Variants in CACNA2D1 observed in about 807,000 individuals in gnomAD.
CACNA2D1 encodes the protein voltage-dependent calcium channel subunit alpha-2/delta-1.
In CACNA2D1, 53 loss-of-function variants were observed where a neutral mutation model predicts 171.5. That is an observed-to-expected ratio of 0.31 (90% confidence interval 0.25 to 0.39). CACNA2D1 has a LOEUF of 0.39. CACNA2D1 is among the 10% of genes least tolerant of loss of function. The pLI is 1.00. For missense variants in CACNA2D1, 903 were observed against 1,299.8 expected (o/e 0.69, Z 4.69); for synonymous variants, 442 against 443.1 (o/e 1.00, Z 0.03).
chr7:82,323,467 C>T (rs952423686), intron 3 of CACNA2D1, among the ~76,000 whole-genome samples: 3 of 152,124 alleles, frequency 2.0e-5, no homozygotes, highest in Non-Finnish European at 2.9e-5. Context: ...ACGACCTATG[C>T]GCAGGACCAG....
chr7:82,062,166 A>G (rs1335869369), intron 9 of CACNA2D1, among the ~76,000 whole-genome samples: 1 of 152,172 alleles, frequency 6.6e-6, no homozygotes, highest in Non-Finnish European at 1.5e-5. Flanking sequence ...TTTCTCCCAA[A>G]GTTATCTTGG....
intron 3 of CACNA2D1, among the ~76,000 whole-genome samples, chr7:82,270,052 T>C (rs1304844504): frequency 1.3e-5 from 2 of 152,220 alleles, no homozygotes; most frequent in African/African-American, 2.4e-5. Flanking sequence ...TTCTGCATCA[T>C]TGTTCTGCCC....
intron 10 of CACNA2D1, chr7:82,050,526 G>A (rs557636408): frequency 1.4e-6 from 1 of 700,596 alleles, no homozygotes; most frequent in Admixed American, 2.0e-5. Context: ...TTATACAGGG[G>A]CTTCTGATGG....
chr7:82,030,712 G>C (rs1472953285), intron 12 of CACNA2D1, among the ~76,000 whole-genome samples: 1 of 151,830 alleles, frequency 6.6e-6, no homozygotes, highest in Admixed American at 6.6e-5. Flanking sequence ...GATATAAGTA[G>C]TGGCTTGCAC....
intron 1 of CACNA2D1, among the ~76,000 whole-genome samples, chr7:82,375,576 A>T (rs1367380228): frequency 6.6e-6 from 1 of 152,174 alleles, no homozygotes; most frequent in African/African-American, 2.4e-5. Context: ...CGTATTATCT[A>T]CACCACTCAT....
chr7:82,408,874 AT>A (rs1827348163), intron 1 of CACNA2D1, among the ~76,000 whole-genome samples: 1 of 152,202 alleles, frequency 6.6e-6, no homozygotes, highest in South Asian at 2.1e-4. Flanking sequence ...ATTTAAGGCA[AT>A]TTTAAGCTAC....
At chr7:82,251,732 G>A (rs569264542) in intron 3 of CACNA2D1, among the ~76,000 whole-genome samples, 14 of 152,026 alleles carry the variant, frequency 9.2e-5, no homozygotes, top group Non-Finnish European at 2.1e-4. Context: ...CTTTGTGTAT[G>A]CCATACATTA....
intron 28 of CACNA2D1, 124 bp from the exon 29 acceptor site, chr7:81,969,097 A>G: frequency 3.1e-6 from 2 of 650,170 alleles, no homozygotes; most frequent in Non-Finnish European, 5.4e-6. Flanking sequence ...CAAACTATAA[A>G]ATGTTTGTGC....
At chr7:82,142,353 T>C (rs1792499617) in intron 4 of CACNA2D1, among the ~76,000 whole-genome samples, 1 of 152,190 alleles carries the variant, frequency 6.6e-6, no homozygotes, top group Non-Finnish European at 1.5e-5. Context: ...ACATTGTCTC[T>C]TGGGAGTCAA....
intron 21 of CACNA2D1, 80 bp from the exon 22 acceptor site, chr7:81,984,791 T>C (rs1796788519): frequency 2.5e-6 from 2 of 791,388 alleles, no homozygotes; most frequent in African/African-American, 1.7e-5. Context: ...ATCAAGTTCA[T>C]GGGAAAATCG....
intron 1 of CACNA2D1, among the ~76,000 whole-genome samples, chr7:82,439,281 G>A (rs757443534): frequency 3.6e-4 from 55 of 151,922 alleles, no homozygotes; most frequent in Non-Finnish European, 6.0e-4. Context: ...CTAAATTTTA[G>A]CACAATAATA....
intron 3 of CACNA2D1, among the ~76,000 whole-genome samples, chr7:82,226,644 T>C (rs968416107): frequency 3.3e-5 from 5 of 152,044 alleles, no homozygotes; most frequent in African/African-American, 1.2e-4. Flanking sequence ...ATATTAGAAA[T>C]TAGAACTGAT....
At chr7:82,034,547 C>T (rs1803073908) in intron 11 of CACNA2D1, among the ~76,000 whole-genome samples, 1 of 151,968 alleles carries the variant, frequency 6.6e-6, no homozygotes, top group Admixed American at 6.6e-5. Context: ...GGTAACCTAT[C>T]TGAAAATCTG....
At chr7:81,966,068 T>C (rs897664869) in intron 31 of CACNA2D1, among the ~76,000 whole-genome samples, 3 of 151,824 alleles carry the variant, frequency 2.0e-5, no homozygotes, top group Non-Finnish European at 2.9e-5. Context: ...TCATTTTAGT[T>C]GTCCTGTTTC....
intron 1 of CACNA2D1, among the ~76,000 whole-genome samples, chr7:82,382,126 A>G (rs1477344319): frequency 6.6e-6 from 1 of 152,222 alleles, no homozygotes; most frequent in Non-Finnish European, 1.5e-5. Context: ...ATAAAGTTCA[A>G]ATTGAAGCAG....
At position 82,296,165 on chromosome 7, in the gene CACNA2D1, C is replaced by T. The variant is rs190745101; in HGVS notation, c.294+38970G>A. 6.6e-5 allele frequency among the ~76,000 whole-genome samples: 10 copies of T among 151,392 alleles called. No homozygotes were observed. The East Asian group carries it at 1.8e-3, about 27-fold the overall frequency. Reference sequence around the variant, plus strand: ...AGGAGATATACCTAATGCTGAATGACGAGTTAATGGGTGCAGCACACCAGC... The same window carrying T: ...AGGAGATATACCTAATGCTGAATGATGAGTTAATGGGTGCAGCACACCAGC... On this transcript the variant is annotated intron_variant, in intron 3 of 38. Coordinates refer to ENST00000356860, the MANE Select transcript of CACNA2D1 (RefSeq NM_000722.4).
At chr7:82,073,464 C>T (rs1281368689) in intron 7 of CACNA2D1, among the ~76,000 whole-genome samples, 1 of 152,084 alleles carries the variant, frequency 6.6e-6, no homozygotes, top group Non-Finnish European at 1.5e-5. Flanking sequence ...TTTAAAATGG[C>T]ATATGCAAAA....
At chr7:81,985,262 T>A (rs1279370378) in intron 21 of CACNA2D1, among the ~76,000 whole-genome samples, 4 of 146,392 alleles carry the variant, frequency 2.7e-5, no homozygotes, top group African/African-American at 1.0e-4. Flanking sequence ...GTGCAGTGGT[T>A]TCGATCATGG....
At chr7:82,115,459 T>G (rs1037652534) in intron 6 of CACNA2D1, among the ~76,000 whole-genome samples, 1 of 151,998 alleles carries the variant, frequency 6.6e-6, no homozygotes, top group Non-Finnish European at 1.5e-5. Context: ...TTGGAATTAA[T>G]AGTCTCAGTT....
Sources: allele counts gnomAD v4.1 joint callset (sites outside exome capture counted in the v4.1 genomes callset), GRCh38; gene constraint gnomAD v4.1.1; transcripts MANE v1.5; gene names NCBI Gene and HGNC (gene_info 2026-07-23, HGNC 2026-07-21).